The following FRMD3 variants were observed in gnomAD, a reference collection of about 807,000 sequenced individuals.
FRMD3 encodes FERM domain-containing protein 3.
A neutral mutation model predicts 70.2 loss-of-function variants in FRMD3; 33 were observed. That is an observed-to-expected ratio of 0.47 (90% CI 0.36 to 0.63). FRMD3 has a LOEUF of 0.63. Among genes scored for constraint, FRMD3 ranks in the 20% least tolerant of loss-of-function variants. The pLI, the probability that FRMD3 is intolerant of heterozygous loss-of-function variation, is 0.00. For synonymous variants in FRMD3, 279 were observed against 255.9 expected (o/e 1.09, Z -0.86); for missense variants, 632 against 711.4 (o/e 0.89, Z 1.27).
chr9:83,342,679 A>G lies in FRMD3; in HGVS notation c.472+511T>C, dbSNP rs572872774. Among the ~76,000 whole-genome samples the G allele has an allele frequency of 1.2e-4, 18 of 148,336 alleles. No homozygotes were observed. The East Asian group carries it at 3.6e-3, about 30-fold the overall frequency. On this transcript the variant is annotated intron_variant, in intron 5 of 13. Coordinates refer to ENST00000304195, the MANE Select transcript of FRMD3 (RefSeq NM_174938.6). ...ACGAATAGATAGGATGGATGGATGGATGGATGGATAGATTAGATAGATAGA... is the reference window on the plus strand; with the variant it reads ...ACGAATAGATAGGATGGATGGATGGGTGGATGGATAGATTAGATAGATAGA...
At chr9:83,432,899 T>C (rs924630728) in intron 1 of FRMD3, among the ~76,000 whole-genome samples, 1 of 152,196 alleles carries the variant, frequency 6.6e-6, no homozygotes, top group African/African-American at 2.4e-5. Context: ...TCCTTTACCC[T>C]CCTTCTGAGT....
intron 1 of FRMD3, among the ~76,000 whole-genome samples, chr9:83,529,455 T>G (rs1027349870): frequency 6.6e-6 from 1 of 152,188 alleles, no homozygotes; most frequent in Non-Finnish European, 1.5e-5. Flanking sequence ...TCAGCTGAAT[T>G]GTGCACTTTA....
chr9:83,380,661 A>G (rs1275472246), intron 2 of FRMD3, among the ~76,000 whole-genome samples: 1 of 152,178 alleles, frequency 6.6e-6, no homozygotes, highest in African/African-American at 2.4e-5. Flanking sequence ...AAGACAAAAA[A>G]AATTGCATCT....
At chr9:83,278,738 A>G (rs1833872895) in intron 13 of FRMD3, among the ~76,000 whole-genome samples, 2 of 152,182 alleles carry the variant, frequency 1.3e-5, no homozygotes, top group Admixed American at 6.5e-5. Flanking sequence ...AGCCCGGTCT[A>G]GCCCCAGAGA....
intron 3 of FRMD3, among the ~76,000 whole-genome samples, chr9:83,370,741 G>A (rs1587783745): frequency 6.6e-6 from 1 of 152,188 alleles, no homozygotes; most frequent in African/African-American, 2.4e-5. Flanking sequence ...GTGAAACCCG[G>A]TCTCTACTAA....
Position 83,248,232 on chromosome 9 carries a change from A to G in FRMD3, c.1480T>C (p.Leu494=). 6.2e-7 allele frequency: 1 copy of G among 1,614,178 alleles called. No homozygotes were observed. ...EDLEADENAF[L]IAEEEELKEA... Reference sequence around the variant, plus strand: ...TTCAGCTCCTCTTCTTCAGCAATCAAAAAGGCGTTTTCATCTGCTTCCAGA... The same window carrying G: ...TTCAGCTCCTCTTCTTCAGCAATCAGAAAGGCGTTTTCATCTGCTTCCAGA... Residue 494 remains leucine, a synonymous_variant, in exon 14 of 14, where the codon TTG becomes CTG. Transcript: ENST00000304195.
intron 13 of FRMD3, among the ~76,000 whole-genome samples, chr9:83,278,535 T>G (rs1278483336): frequency 6.6e-6 from 1 of 152,154 alleles, no homozygotes; most frequent in Non-Finnish European, 1.5e-5. Context: ...AATTTGACAA[T>G]TCAATATCTT....
chr9:83,329,268 T>C lies in FRMD3; in HGVS notation c.596+6248A>G, dbSNP rs78782685. Among the ~76,000 whole-genome samples, 1,027 of 152,292 alleles carry C rather than the reference T, an allele frequency of 6.7e-3. 14 individuals carry two copies. Among genetic ancestry groups the C allele is most frequent in the African/African-American group, 0.023 (976 of 41,544 alleles). Reference sequence around the variant, plus strand: ...CAACAAAAAATGCAAATTGATTTGATAATCTACCAGGGAGAGAGATTCTAT... The same window carrying C: ...CAACAAAAAATGCAAATTGATTTGACAATCTACCAGGGAGAGAGATTCTAT... On this transcript the variant is annotated intron_variant, in intron 6 of 13. Transcript: ENST00000304195.
chr9:83,245,331 G>A lies in FRMD3; in HGVS notation c.*2587C>T. 4 of 985,374 alleles carry A rather than the reference G, an allele frequency of 4.1e-6. No homozygotes were observed. The highest frequency in any genetic ancestry group is 4.8e-6 in the Non-Finnish European group (4 of 829,904). 61.0% of individuals were successfully genotyped at this position (985,374 alleles called of 1,614,324 possible). A position where few individuals can be genotyped will look rare whatever the true frequency, so the allele number is the denominator to read the frequency against. ...TTTCCTCATTCGATTCAGGCAACTG[G>A]TGACTATCTTCTAACAAAACTTAAA... On this transcript the variant is annotated 3_prime_UTR_variant, in exon 14 of 14. Coordinates refer to ENST00000304195, the MANE Select transcript of FRMD3 (RefSeq NM_174938.6).
At chr9:83,323,694 C>T (rs1835900072) in intron 6 of FRMD3, among the ~76,000 whole-genome samples, 1 of 152,200 alleles carries the variant, frequency 6.6e-6, no homozygotes, top group Admixed American at 6.5e-5. Flanking sequence ...TTATAAATTA[C>T]CTAGCCTCTG....
At chr9:83,462,446 G>A (rs1419673501) in intron 1 of FRMD3, among the ~76,000 whole-genome samples, 3 of 152,138 alleles carry the variant, frequency 2.0e-5, no homozygotes, top group African/African-American at 4.8e-5. Flanking sequence ...AGGTCCAGTG[G>A]TTCTGATACC....
chr9:83,555,530 C>G, the FRMD3 span, among the ~76,000 whole-genome samples: 3 of 152,274 alleles, frequency 2.0e-5, no homozygotes, highest in South Asian at 6.2e-4. Context: ...CCCCCTCCCC[C>G]TAGGAGATCC....
At chr9:83,304,651 G>C (rs938759253) in intron 10 of FRMD3, among the ~76,000 whole-genome samples, 1 of 152,208 alleles carries the variant, frequency 6.6e-6, no homozygotes, top group Non-Finnish European at 1.5e-5. Flanking sequence ...TGGGAACACA[G>C]TGTCATACAG....
chr9:83,538,059 G>GCGCCCT lies in FRMD3; in HGVS notation c.147+20_147+25dup, dbSNP rs1459006195. The GCGCCCT allele has an allele frequency of 6.2e-7, 1 of 1,607,628 alleles. No individual in the cohort carries two copies. The highest frequency in any genetic ancestry group is 1.7e-5 in the Admixed American group (1 of 59,708). On this transcript the variant is annotated intron_variant, in intron 1 of 13. Coordinates refer to ENST00000304195, the MANE Select transcript of FRMD3 (RefSeq NM_174938.6). This position sits in a 1 kb window ranked among gnomAD's most constrained non-coding sequence, Gnocchi z 4.7. Reference sequence around the variant, plus strand: ...CCGCCCTGCTCCCGGCGTGTGCCCCGCGCCCTCGCCCGGTTCCACGCGCAC... The same window carrying GCGCCCT: ...CCGCCCTGCTCCCGGCGTGTGCCCCGCGCCCTCGCCCTCGCCCGGTTCCACGCGCAC...
chr9:83,505,870 T>G (rs1009930018), intron 1 of FRMD3, among the ~76,000 whole-genome samples: 1 of 152,250 alleles, frequency 6.6e-6, no homozygotes, highest in East Asian at 1.9e-4. Context: ...ATCCCGGAGA[T>G]CATGGCTGCA....
At chr9:83,494,867 G>C (rs549282505) in intron 1 of FRMD3, among the ~76,000 whole-genome samples, 1 of 117,160 alleles carries the variant, frequency 8.5e-6, no homozygotes, top group African/African-American at 3.1e-5. Context: ...GTGCGCGCGC[G>C]CATGTGCGTG....
At chr9:83,428,523 A>G (rs1192184567) in intron 1 of FRMD3, among the ~76,000 whole-genome samples, 1 of 151,950 alleles carries the variant, frequency 6.6e-6, no homozygotes, top group African/African-American at 2.4e-5. Context: ...ACACACACAC[A>G]CATATATATA....
intron 1 of FRMD3, among the ~76,000 whole-genome samples, chr9:83,413,620 C>T (rs893463538): frequency 2.0e-5 from 3 of 152,164 alleles, no homozygotes; most frequent in African/African-American, 7.2e-5. Context: ...TCGCCAAAAG[C>T]CCACTTGAGA....
chr9:83,418,519 G>GA (rs1048831906), intron 1 of FRMD3, among the ~76,000 whole-genome samples: 3 of 152,022 alleles, frequency 2.0e-5, no homozygotes, highest in East Asian at 1.9e-4. Context: ...GTAAACGTAT[G>GA]AAAAAAATGC....
Sources: gnomAD v4.1 joint callset for allele counts (sites outside exome capture counted in the v4.1 genomes callset) on GRCh38, gnomAD v4.1.1 for gene constraint, Gnocchi (gnomAD v3.1) non-coding constraint, MANE v1.5 for transcripts, NCBI Gene and HGNC (gene_info 2026-07-23, HGNC 2026-07-21) for gene names.